PPP2R5E: variants seen among roughly 807,000 people sequenced by gnomAD.
PPP2R5E encodes the protein protein phosphatase 2 regulatory subunit B'epsilon.
A neutral mutation model predicts 65.3 loss-of-function variants in PPP2R5E; 4 were observed. The ratio of observed to expected loss-of-function variants is 0.06; its 90% CI spans 0.03 to 0.14. The LOEUF (loss-of-function observed/expected upper bound fraction) is 0.14. PPP2R5E is among the 10% of genes least tolerant of loss of function. PPP2R5E has a pLI of 1.00. For synonymous variants in PPP2R5E, 183 were observed against 187.4 expected (o/e 0.98, Z 0.19); for missense variants, 274 against 556.1 (o/e 0.49, Z 5.10).
intron 6 of PPP2R5E, 69 bp downstream of exon 6, chr14:63,396,517 G>A: frequency 6.5e-7 from 1 of 1,546,062 alleles, no homozygotes; most frequent in African/African-American, 1.4e-5. Flanking sequence ...TCAGATATTT[G>A]AGATTTACTT....
intron 12 of PPP2R5E, among the ~76,000 whole-genome samples, chr14:63,383,050 T>C (rs555995128): frequency 6.6e-6 from 1 of 152,226 alleles, no homozygotes; most frequent in East Asian, 1.9e-4. Context: ...CCAAAATATA[T>C]GCTGATAACT....
intron 3 of PPP2R5E, among the ~76,000 whole-genome samples, chr14:63,434,865 G>C (rs1887876872): frequency 6.6e-6 from 1 of 151,946 alleles, no homozygotes; most frequent in Non-Finnish European, 1.5e-5. Flanking sequence ...ATGTCTCTTT[G>C]GTGCTCATGA....
rs1254536921 is a variant in PPP2R5E at position 63,458,945 on chromosome 14, G to A, written c.158-5060C>T. Among the ~76,000 whole-genome samples, 117 of 151,974 alleles carry A rather than the reference G, an allele frequency of 7.7e-4. 2 individuals are homozygous for A. On this transcript the variant is annotated intron_variant, in intron 2 of 13. Coordinates refer to ENST00000337537, the MANE Select transcript of PPP2R5E (RefSeq NM_006246.5). The stretch of plus-strand genomic sequence containing the variant: ...TCTCCAACTTTCACAAAAAATAATA[G>A]GACCAGCACACAATGAGAATAGTAA...
At chr14:63,406,133 C>T (rs188088536) in intron 5 of PPP2R5E, among the ~76,000 whole-genome samples, 2 of 152,204 alleles carry the variant, frequency 1.3e-5, no homozygotes, top group African/African-American at 4.8e-5. Flanking sequence ...GACTGTTGGC[C>T]AGGCGCAGTG....
At chr14:63,525,865 G>C (rs1254609896) in intron 2 of PPP2R5E, among the ~76,000 whole-genome samples, 1 of 152,134 alleles carries the variant, frequency 6.6e-6, no homozygotes, top group South Asian at 2.1e-4. Context: ...AGTTCTTCCT[G>C]TCTTTTTTTT....
chr14:63,431,109 A>G (rs1334966628), intron 3 of PPP2R5E, among the ~76,000 whole-genome samples: 1 of 152,156 alleles, frequency 6.6e-6, no homozygotes, highest in Non-Finnish European at 1.5e-5. Flanking sequence ...CTGTACTAAA[A>G]ATACAAAAAT....
intron 2 of PPP2R5E, among the ~76,000 whole-genome samples, chr14:63,530,407 AT>A: frequency 6.6e-6 from 1 of 151,066 alleles, no homozygotes; most frequent in Non-Finnish European, 1.5e-5. Flanking sequence ...TAATTTTTGT[AT>A]TTTTAATAGA....
intron 2 of PPP2R5E, among the ~76,000 whole-genome samples, chr14:63,482,575 T>C (rs987639374): frequency 6.6e-6 from 1 of 152,170 alleles, no homozygotes; most frequent in African/African-American, 2.4e-5. Flanking sequence ...ATTTAGTTGT[T>C]GGGGTTTGGT....
chr14:63,424,567 C>A (rs573321326), intron 3 of PPP2R5E, among the ~76,000 whole-genome samples: 1 of 151,942 alleles, frequency 6.6e-6, no homozygotes, highest in African/African-American at 2.4e-5. Flanking sequence ...CTGGCTAACA[C>A]GGTGAAACCC....
At chr14:63,378,338 T>C (rs958290309) in intron 13 of PPP2R5E, among the ~76,000 whole-genome samples, 7 of 152,236 alleles carry the variant, frequency 4.6e-5, no homozygotes, top group African/African-American at 1.4e-4. Context: ...TAAAACTTTC[T>C]TGTGAAAAAT....
In PPP2R5E at chr14:63,430,031, T is replaced by G. The variant is rs376895056; in HGVS notation, c.355-7937A>C. On this transcript the variant is annotated intron_variant, in intron 3 of 13. Coordinates refer to ENST00000337537, the MANE Select transcript of PPP2R5E (RefSeq NM_006246.5). ...TGTTAGCACAAAAGATGAATCTAAGTAGATACGGTGAAATTGAACCTTGAA... is the reference window on the plus strand; with the variant it reads ...TGTTAGCACAAAAGATGAATCTAAGGAGATACGGTGAAATTGAACCTTGAA... Among the ~76,000 whole-genome samples, 185 of 152,284 alleles carry G rather than the reference T, an allele frequency of 1.2e-3. No homozygotes were observed. The Middle Eastern group carries it at 0.014, about 11-fold the overall frequency.
chr14:63,444,460 A>G (rs1162357921), intron 3 of PPP2R5E, among the ~76,000 whole-genome samples: 1 of 152,230 alleles, frequency 6.6e-6, no homozygotes, highest in African/African-American at 2.4e-5. Flanking sequence ...GCTCACTGGC[A>G]AAGTGAAGCC....
intron 2 of PPP2R5E, among the ~76,000 whole-genome samples, chr14:63,522,558 C>T (rs1892970996): frequency 6.6e-6 from 1 of 151,316 alleles, no homozygotes; most frequent in Non-Finnish European, 1.5e-5. Flanking sequence ...TGCCCGGCCG[C>T]CCATCGTCTG....
intron 2 of PPP2R5E, among the ~76,000 whole-genome samples, chr14:63,489,395 T>A (rs943959468): frequency 7.5e-5 from 8 of 107,054 alleles, no homozygotes; most frequent in Admixed American, 1.7e-4. Flanking sequence ...CCATAATTTT[T>A]GTTGTTGTTG....
At chr14:63,489,411 G>C (rs77957382) in intron 2 of PPP2R5E, among the ~76,000 whole-genome samples, 15 of 103,648 alleles carry the variant, frequency 1.4e-4, no homozygotes, top group African/African-American at 5.4e-4. Flanking sequence ...TGTTGTTGTT[G>C]TTTTCTTTTT....
chr14:63,489,057 T>C (rs898236613), intron 2 of PPP2R5E, among the ~76,000 whole-genome samples: 4 of 152,052 alleles, frequency 2.6e-5, no homozygotes, highest in African/African-American at 9.7e-5. Flanking sequence ...ATCACACAGA[T>C]GGTTAACGAC....
chr14:63,488,861 T>G (rs540457590), intron 2 of PPP2R5E, among the ~76,000 whole-genome samples: 8 of 150,582 alleles, frequency 5.3e-5, no homozygotes, highest in Admixed American at 2.6e-4. Flanking sequence ...ATAAATAAAT[T>G]AATTTAATTA....
At chr14:63,484,657 G>A (rs1400245025) in intron 2 of PPP2R5E, among the ~76,000 whole-genome samples, 1 of 152,108 alleles carries the variant, frequency 6.6e-6, no homozygotes, top group Non-Finnish European at 1.5e-5. Context: ...TGAACCTACT[G>A]AAAAAATTGG....
At chr14:63,471,653 A>G (rs900005732) in intron 2 of PPP2R5E, among the ~76,000 whole-genome samples, 3 of 152,182 alleles carry the variant, frequency 2.0e-5, no homozygotes, top group Admixed American at 6.5e-5. Flanking sequence ...TTTACATATA[A>G]AAATTGGCCC....
Sources: allele counts gnomAD v4.1 joint callset (sites outside exome capture counted in the v4.1 genomes callset), GRCh38; gene constraint gnomAD v4.1.1; transcripts MANE v1.5; gene names NCBI Gene and HGNC (gene_info 2026-07-23, HGNC 2026-07-21).